The following SPMAP2L variants were observed in gnomAD, a reference collection of about 807,000 sequenced individuals.
The protein encoded by SPMAP2L is sperm microtubule associated protein 2 like.
chr4:56,592,462 C>T, the SPMAP2L span, among the ~76,000 whole-genome samples: 1 of 152,370 alleles, frequency 6.6e-6, no homozygotes, highest in East Asian at 1.9e-4. Flanking sequence ...TGGGGAGCCA[C>T]AACTTTGCGC....
the SPMAP2L span, among the ~76,000 whole-genome samples, chr4:56,618,718 G>T: frequency 6.6e-6 from 1 of 152,182 alleles, no homozygotes; most frequent in African/African-American, 2.4e-5. Context: ...TGAGATTTGG[G>T]TGGGGACACA....
At chr4:56,589,315 G>T in the SPMAP2L span, among the ~76,000 whole-genome samples, 10 of 152,050 alleles carry the variant, frequency 6.6e-5, no homozygotes, top group Non-Finnish European at 1.3e-4. Context: ...TACCAGCACC[G>T]TACTGTTTTG....
At chr4:56,593,118 A>T in the SPMAP2L span, 1 of 1,579,506 alleles carries the variant, frequency 6.3e-7, no homozygotes, top group Non-Finnish European at 8.7e-7. Flanking sequence ...TTACTGGAGA[A>T]CTCAGGATGG....
chr4:56,595,197 C>A, the SPMAP2L span: 3 of 1,611,540 alleles, frequency 1.9e-6, no homozygotes, highest in Admixed American at 3.3e-5. Flanking sequence ...TAGAAAAACA[C>A]TACAGAATTC....
chr4:56,596,380 A>C, the SPMAP2L span: 2 of 1,034,338 alleles, frequency 1.9e-6, no homozygotes, highest in Non-Finnish European at 2.6e-6. Context: ...CAAGATTCCC[A>C]CCCTTTCTGC....
the SPMAP2L span, among the ~76,000 whole-genome samples, chr4:56,558,635 C>T: frequency 6.6e-6 from 1 of 152,112 alleles, no homozygotes; most frequent in African/African-American, 2.4e-5. Context: ...TATATATACA[C>T]ACATTACCTC....
At chr4:56,602,725 AAG>A in the SPMAP2L span, among the ~76,000 whole-genome samples, 3 of 152,166 alleles carry the variant, frequency 2.0e-5, no homozygotes, top group East Asian at 5.8e-4. Flanking sequence ...TAAAAAGTAA[AAG>A]AGAAGAATAT....
At chr4:56,575,064 C>T in the SPMAP2L span, among the ~76,000 whole-genome samples, 233 of 149,698 alleles carry the variant, frequency 1.6e-3, no homozygotes, top group African/African-American at 4.3e-3. Context: ...TCCTGGTTAA[C>T]ACGGTGAAAC....
the SPMAP2L span, among the ~76,000 whole-genome samples, chr4:56,544,306 C>A: frequency 6.6e-6 from 1 of 152,070 alleles, no homozygotes; most frequent in African/African-American, 2.4e-5. Context: ...GTTTTCCTTG[C>A]CCAGTTCTTT....
chr4:56,621,568 G>A, the SPMAP2L span, among the ~76,000 whole-genome samples: 2 of 152,200 alleles, frequency 1.3e-5, no homozygotes, highest in Admixed American at 6.5e-5. Context: ...GATGATATGT[G>A]TGTGGAATCT....
At chr4:56,593,590 C>G in the SPMAP2L span, 21 of 1,603,552 alleles carry the variant, frequency 1.3e-5, no homozygotes, top group Middle Eastern at 1.7e-4. Context: ...TTGGGGTAGA[C>G]ATCGCCTTGG....
chr4:56,554,191 G>A, the SPMAP2L span, among the ~76,000 whole-genome samples: 2 of 152,138 alleles, frequency 1.3e-5, no homozygotes, highest in Non-Finnish European at 2.9e-5. Flanking sequence ...GTATATTTAA[G>A]TTTTTAGCTA....
At chr4:56,566,751 C>T in the SPMAP2L span, among the ~76,000 whole-genome samples, 1 of 124,486 alleles carries the variant, frequency 8.0e-6, no homozygotes, top group African/African-American at 3.2e-5. Flanking sequence ...GGCTGGAGTG[C>T]AATGGTGCAA....
chr4:56,530,972 CA>C, the SPMAP2L span: 1 of 1,535,374 alleles, frequency 6.5e-7, no homozygotes, highest in Non-Finnish European at 8.7e-7. Flanking sequence ...GACTCCTATG[CA>C]CCTTACGAAC....
At chr4:56,560,874 T>C in the SPMAP2L span, among the ~76,000 whole-genome samples, 1 of 152,128 alleles carries the variant, frequency 6.6e-6, no homozygotes, top group East Asian at 1.9e-4. Flanking sequence ...GCCTCCCCAG[T>C]AGCTGGGATT....
At chr4:56,533,176 A>G in the SPMAP2L span, among the ~76,000 whole-genome samples, 1 of 152,216 alleles carries the variant, frequency 6.6e-6, no homozygotes, top group Non-Finnish European at 1.5e-5. Context: ...GGCAAGAGAA[A>G]GGCAAACAAC....
At chr4:56,543,745 A>G in the SPMAP2L span, among the ~76,000 whole-genome samples, 6 of 152,108 alleles carry the variant, frequency 3.9e-5, no homozygotes, top group Admixed American at 6.5e-5. Context: ...AACACCTAGC[A>G]TTTAGGATTA....
chr4:56,564,363 C>G, the SPMAP2L span, among the ~76,000 whole-genome samples: 2 of 152,166 alleles, frequency 1.3e-5, no homozygotes, highest in Non-Finnish European at 2.9e-5. Flanking sequence ...TGGTCTTGAA[C>G]TCCTGACCTC....
At chr4:56,607,802 A>C in the SPMAP2L span, among the ~76,000 whole-genome samples, 1 of 152,222 alleles carries the variant, frequency 6.6e-6, no homozygotes, top group South Asian at 2.1e-4. Flanking sequence ...AGCCTGGGCA[A>C]CATAGGGACA....
Sources: gnomAD v4.1 joint callset for allele counts (sites outside exome capture counted in the v4.1 genomes callset) on GRCh38, gnomAD v4.1.1 for gene constraint, MANE v1.5 for transcripts, NCBI Gene and HGNC (gene_info 2026-07-23, HGNC 2026-07-21) for gene names.